Variants in FGD6 observed in about 807,000 individuals in gnomAD.
The protein encoded by FGD6 is FYVE, RhoGEF and PH domain-containing protein 6.
FGD6 carries 90 observed loss-of-function variants against 149.4 expected under a neutral mutation model. That is an observed-to-expected ratio of 0.60 (90% CI 0.51 to 0.72). The LOEUF (loss-of-function observed/expected upper bound fraction) is 0.72. Ranked by LOEUF, FGD6 falls within the 30% of genes least tolerant of loss-of-function variation. FGD6 has a pLI of 0.00. For missense variants in FGD6, 1,437 were observed against 1,684.8 expected, an observed-to-expected ratio of 0.85 and a Z score of 2.57; for synonymous variants, 527 against 584.0, an observed-to-expected ratio of 0.90 and a Z score of 1.41.
intron 3 of FGD6, among the ~76,000 whole-genome samples, chr12:95,153,936 TGTGTGTGTGTGA>T (rs949130389): frequency 6.9e-5 from 9 of 130,432 alleles, no homozygotes; most frequent in African/African-American, 1.5e-4. Context: ...TGTGTGTGTG[TGTGTGTGTGTGA>T]GTGAGAGAGA....
intron 2 of FGD6, among the ~76,000 whole-genome samples, chr12:95,184,581 GTTTT>G (rs35725583): frequency 1.5e-5 from 2 of 132,092 alleles, no homozygotes; most frequent in Non-Finnish European, 1.6e-5. Flanking sequence ...CTTCCTGCAC[GTTTT>G]TTTTTTTTTT....
chr12:95,117,743 C>G (rs1243803641), intron 8 of FGD6, among the ~76,000 whole-genome samples: 2 of 151,296 alleles, frequency 1.3e-5, no homozygotes, highest in East Asian at 4.0e-4. Flanking sequence ...ATTTTGTTCT[C>G]ATATAAAATG....
chr12:95,179,482 G>A (rs1349696331), intron 2 of FGD6, among the ~76,000 whole-genome samples: 3 of 152,086 alleles, frequency 2.0e-5, no homozygotes, highest in Non-Finnish European at 2.9e-5. Flanking sequence ...TCCAGCAGGT[G>A]AGGGACCAAG....
chr12:95,099,489 C>A (rs144226896), intron 14 of FGD6, among the ~76,000 whole-genome samples: 24 of 152,222 alleles, frequency 1.6e-4, no homozygotes, highest in Non-Finnish European at 3.2e-4. Context: ...ATTCAATATG[C>A]CTTAGCTCTC....
chr12:95,185,576 T>C (rs1881404577), intron 2 of FGD6, among the ~76,000 whole-genome samples: 1 of 152,048 alleles, frequency 6.6e-6, no homozygotes, highest in East Asian at 1.9e-4. Flanking sequence ...AAAATTGAGA[T>C]AATAGGCCGG....
At chr12:95,208,609 A>C (rs1197421197) in intron 2 of FGD6, among the ~76,000 whole-genome samples, 2 of 152,192 alleles carry the variant, frequency 1.3e-5, no homozygotes, top group Admixed American at 6.5e-5. Flanking sequence ...CTACATTGCC[A>C]CTGGTTCAAA....
At chr12:95,216,211 G>A (rs2056773614) in intron 1 of FGD6, among the ~76,000 whole-genome samples, 1 of 152,202 alleles carries the variant, frequency 6.6e-6, no homozygotes, top group African/African-American at 2.4e-5. Context: ...GAACATTTGA[G>A]TGCTGTTGGA....
In FGD6 at chr12:95,079,632, T is replaced by C. The variant is rs994586964; in HGVS notation, c.*1888A>G. 1 of 152,242 alleles carries C rather than the reference T, an allele frequency of 6.6e-6. No individual in the cohort carries two copies. The highest frequency in any genetic ancestry group is 1.5e-5 in the Non-Finnish European group (1 of 68,036). The allele number at this position is 152,242 out of a possible 1,614,324, so 9.4% of individuals were successfully genotyped here. ...AGCCTTATTTATGTGATCTTGATTA[T>C]ATAAAATTGAGCTACAAAGAAATTT... On this transcript the variant is annotated 3_prime_UTR_variant, in exon 21 of 21. Transcript: ENST00000343958.
At chr12:95,137,917 G>A (rs1339277927) in intron 6 of FGD6, among the ~76,000 whole-genome samples, 1 of 151,966 alleles carries the variant, frequency 6.6e-6, no homozygotes, top group Non-Finnish European at 1.5e-5. Flanking sequence ...CACAAGGAGA[G>A]ACTCTTAAAA....
chr12:95,128,276 C>T (rs1046473262), intron 8 of FGD6, among the ~76,000 whole-genome samples: 1 of 152,078 alleles, frequency 6.6e-6, no homozygotes, highest in Admixed American at 6.6e-5. Flanking sequence ...TGCTGTGTCG[C>T]CCAGGGTGAA....
intron 2 of FGD6, among the ~76,000 whole-genome samples, chr12:95,202,518 C>A (rs2056668964): frequency 6.6e-6 from 1 of 152,010 alleles, no homozygotes; most frequent in Admixed American, 6.6e-5. Flanking sequence ...TTAATTGATA[C>A]TCTTCATAAT....
chr12:95,084,757 G>T, intron 19 of FGD6, 111 bp from the exon 20 acceptor site: 1 of 872,866 alleles, frequency 1.1e-6, no homozygotes, highest in Non-Finnish European at 1.6e-6. Context: ...TCACATATAA[G>T]GTAATGATAA....
At chr12:95,149,993 T>TAG (rs1555220379) in intron 5 of FGD6, among the ~76,000 whole-genome samples, 1 of 132,000 alleles carries the variant, frequency 7.6e-6, no homozygotes, top group Non-Finnish European at 1.6e-5. Flanking sequence ...TGCTATATAT[T>TAG]ACACACACAC....
At chr12:95,162,359 C>T (rs1227164844) in intron 3 of FGD6, among the ~76,000 whole-genome samples, 1 of 152,118 alleles carries the variant, frequency 6.6e-6, no homozygotes, top group Non-Finnish European at 1.5e-5. Flanking sequence ...CCTGTCTCTA[C>T]TGAAAATACA....
At chr12:95,162,387 G>A (rs1880670742) in intron 3 of FGD6, among the ~76,000 whole-genome samples, 1 of 152,196 alleles carries the variant, frequency 6.6e-6, no homozygotes, top group Admixed American at 6.5e-5. Context: ...GCTGGGCGCC[G>A]ACAGTGGTGC....
intron 9 of FGD6, among the ~76,000 whole-genome samples, chr12:95,111,196 G>T (rs1236612784): frequency 3.3e-5 from 5 of 152,054 alleles, no homozygotes; most frequent in African/African-American, 1.2e-4. Flanking sequence ...GCCCAGGCTG[G>T]TCTTGAATTC....
At chr12:95,124,810 A>G (rs185750057) in intron 8 of FGD6, among the ~76,000 whole-genome samples, 2 of 152,272 alleles carry the variant, frequency 1.3e-5, no homozygotes, top group Admixed American at 1.3e-4. Context: ...AGTATCAGTG[A>G]TATCTGTGAC....
At chr12:95,107,350 G>C (rs956576295) in intron 12 of FGD6, among the ~76,000 whole-genome samples, 8 of 152,064 alleles carry the variant, frequency 5.3e-5, no homozygotes, top group Non-Finnish European at 1.0e-4. Flanking sequence ...GTTAGAAATG[G>C]AATAAATTCC....
chr12:95,160,786 C>T (rs1398611386), intron 3 of FGD6, among the ~76,000 whole-genome samples: 1 of 152,146 alleles, frequency 6.6e-6, no homozygotes, highest in East Asian at 1.9e-4. Context: ...ATCGCTTGAA[C>T]CCAGGAGGCA....
Sources: allele counts gnomAD v4.1 joint callset (sites outside exome capture counted in the v4.1 genomes callset), GRCh38; gene constraint gnomAD v4.1.1; transcripts MANE v1.5; gene names NCBI Gene and HGNC (gene_info 2026-07-23, HGNC 2026-07-21).